The following PAIP2 variants were observed in gnomAD, a reference collection of about 807,000 sequenced individuals.
The protein encoded by PAIP2 is poly(A) binding protein interacting protein 2.
In PAIP2, 7 loss-of-function variants were observed where a neutral mutation model predicts 14.8. The ratio of observed to expected loss-of-function variants is 0.47; its 90% confidence interval spans 0.27 to 0.89. The LOEUF (loss-of-function observed/expected upper bound fraction) is 0.89, where lower values mean the gene tolerates loss of function less well. Ranked by LOEUF, PAIP2 falls within the 40% of genes least tolerant of loss-of-function variation. The pLI, the probability that PAIP2 is intolerant of heterozygous loss-of-function variation, is 0.13. For missense variants in PAIP2, 122 were observed against 154.7 expected (o/e 0.79, Z 1.12); for synonymous variants, 47 against 45.3 (o/e 1.04, Z -0.15).
intron 1 of PAIP2, among the ~76,000 whole-genome samples, chr5:139,357,714 C>T (rs1756956180): frequency 6.6e-6 from 1 of 152,122 alleles, no homozygotes; most frequent in Non-Finnish European, 1.5e-5. Flanking sequence ...GCCTGTAGTC[C>T]CAGCTACTTG....
chr5:139,365,359 G>A (rs1173969484), intron 3 of PAIP2, among the ~76,000 whole-genome samples: 1 of 150,928 alleles, frequency 6.6e-6, no homozygotes, highest in Non-Finnish European at 1.5e-5. Context: ...GGTGGTGCAT[G>A]CCTGTAAGTA....
At chr5:139,342,013 G>A (rs911366672) in intron 1 of PAIP2, 33 bp downstream of exon 1, 2 of 152,790 alleles carry the variant, frequency 1.3e-5, no homozygotes, top group Admixed American at 1.3e-4. Context: ...GTGGCGACAG[G>A]GGTGCGGAGG....
chr5:139,361,935 CAAAAAAAAAA>C (rs34168919), intron 1 of PAIP2, among the ~76,000 whole-genome samples: 3 of 100,022 alleles, frequency 3.0e-5, no homozygotes, highest in African/African-American at 4.2e-5. Flanking sequence ...GACCCTGTCT[CAAAAAAAAAA>C]AAAAAAAAAA....
chr5:139,367,273 G>C (rs998062197), intron 3 of PAIP2: 1 of 152,194 alleles, frequency 6.6e-6, no homozygotes, highest in South Asian at 2.1e-4. Context: ...TAAAAGCCTT[G>C]CAGCATACCT....
intron 3 of PAIP2, among the ~76,000 whole-genome samples, chr5:139,366,018 G>A (rs1232022703): frequency 4.6e-5 from 7 of 152,058 alleles, no homozygotes; most frequent in Middle Eastern, 6.8e-3. Context: ...TGACCAACAT[G>A]GTGAAACCCC....
At chr5:139,352,222 C>G (rs1756756428) in intron 1 of PAIP2, among the ~76,000 whole-genome samples, 1 of 136,774 alleles carries the variant, frequency 7.3e-6, no homozygotes, top group Non-Finnish European at 1.6e-5. Context: ...TGGATAATCA[C>G]ATTTATTTTG....
intron 1 of PAIP2, among the ~76,000 whole-genome samples, chr5:139,355,166 CTTTTTTTT>C (rs758442291): frequency 8.4e-6 from 1 of 118,750 alleles, no homozygotes; most frequent in Non-Finnish European, 1.7e-5. Context: ...TTGTCTCTCT[CTTTTTTTT>C]TTTTTTTTTT....
intron 1 of PAIP2, among the ~76,000 whole-genome samples, chr5:139,355,508 T>A (rs1178281089): frequency 6.6e-6 from 1 of 152,148 alleles, no homozygotes; most frequent in Non-Finnish European, 1.5e-5. Flanking sequence ...TGGTGAGACA[T>A]CATTCTATGG....
At chr5:139,363,417 C>G (rs1352423115) in intron 1 of PAIP2, among the ~76,000 whole-genome samples, 3 of 152,124 alleles carry the variant, frequency 2.0e-5, no homozygotes, top group Non-Finnish European at 4.4e-5. Flanking sequence ...TAAACAGATG[C>G]TCACTAAGAA....
At position 139,368,972 on chromosome 5, in the gene PAIP2, C is replaced by G. The variant is rs556352094; in HGVS notation, c.*174C>G. On this transcript the variant is annotated 3_prime_UTR_variant, in exon 4 of 4. Coordinates refer to ENST00000265192, the MANE Select transcript of PAIP2 (RefSeq NM_016480.5). ...GCTGAGACTGTTACTAAGTAAAAAGCTGTCAAACATTTACTGAAAATAGAA... is the reference window on the plus strand; with the variant it reads ...GCTGAGACTGTTACTAAGTAAAAAGGTGTCAAACATTTACTGAAAATAGAA... 5 of 506,278 alleles carry G rather than the reference C, an allele frequency of 9.9e-6. No individual in the cohort carries two copies. In the East Asian group the frequency reaches 1.7e-4, roughly 17 times the overall value. The allele number at this position is 506,278 out of a possible 1,614,324, so 31.4% of individuals were successfully genotyped here. A position where few individuals can be genotyped will look rare whatever the true frequency, so the allele number is the denominator to read the frequency against.
intron 3 of PAIP2, chr5:139,367,684 G>A (rs1181370215): frequency 1.3e-5 from 2 of 151,920 alleles, no homozygotes; most frequent in Admixed American, 1.3e-4. Flanking sequence ...CATTTTTAGT[G>A]AGGATTCTAA....
chr5:139,347,335 G>A (rs1471787781), intron 1 of PAIP2, among the ~76,000 whole-genome samples: 1 of 143,784 alleles, frequency 7.0e-6, no homozygotes, highest in African/African-American at 2.6e-5. Flanking sequence ...GTGCAGTGGC[G>A]CGATCTTGGC....
chr5:139,359,510 A>T (rs1757009350), intron 1 of PAIP2, among the ~76,000 whole-genome samples: 2 of 152,090 alleles, frequency 1.3e-5, no homozygotes, highest in South Asian at 4.1e-4. Flanking sequence ...ACCTGTTTAT[A>T]TTGGGGTGTC....
At chr5:139,363,987 C>A in intron 2 of PAIP2, 65 bp downstream of exon 2, 1 of 1,387,066 alleles carries the variant, frequency 7.2e-7, no homozygotes, top group South Asian at 1.2e-5. Context: ...TGTACTTGTC[C>A]CTGAAATGTG....
chr5:139,355,891 C>T (rs1368132186), intron 1 of PAIP2, among the ~76,000 whole-genome samples: 1 of 150,172 alleles, frequency 6.7e-6, no homozygotes, highest in Non-Finnish European at 1.5e-5. Context: ...TGGCTCACGC[C>T]TGTAATCCTA....
chr5:139,362,884 T>C (rs969037089), intron 1 of PAIP2, among the ~76,000 whole-genome samples: 6 of 152,112 alleles, frequency 3.9e-5, no homozygotes, highest in African/African-American at 1.4e-4. Flanking sequence ...ATATAAAATA[T>C]AAATTGGATG....
At chr5:139,366,812 G>C (rs1757275086) in intron 3 of PAIP2, among the ~76,000 whole-genome samples, 1 of 152,176 alleles carries the variant, frequency 6.6e-6, no homozygotes, top group Non-Finnish European at 1.5e-5. Flanking sequence ...TGTAATCCCA[G>C]CACTTTGGGA....
chr5:139,348,135 G>A (rs1756611706), intron 1 of PAIP2, among the ~76,000 whole-genome samples: 1 of 135,010 alleles, frequency 7.4e-6, no homozygotes, highest in African/African-American at 3.0e-5. Context: ...AACAGAGTGA[G>A]ACTCCATGTC....
At chr5:139,366,278 C>CTGG (rs1294940913) in intron 3 of PAIP2, among the ~76,000 whole-genome samples, 1 of 151,186 alleles carries the variant, frequency 6.6e-6, no homozygotes, top group Non-Finnish European at 1.5e-5. Flanking sequence ...TGAGAACTGG[C>CTGG]TGGGTCCACT....
Sources: gnomAD v4.1 joint callset for allele counts (sites outside exome capture counted in the v4.1 genomes callset) on GRCh38, gnomAD v4.1.1 for gene constraint, MANE v1.5 for transcripts, NCBI Gene and HGNC (gene_info 2026-07-23, HGNC 2026-07-21) for gene names.